Variants in LRMDA observed in about 807,000 individuals in gnomAD.
LRMDA encodes leucine-rich melanocyte differentiation-associated protein.
A neutral mutation model predicts 29.8 loss-of-function variants in LRMDA; 18 were observed. That is an observed-to-expected ratio of 0.60 (90% CI 0.42 to 0.90). The LOEUF (loss-of-function observed/expected upper bound fraction) is 0.90, where lower values mean the gene tolerates loss of function less well. LRMDA is among the 40% of genes least tolerant of loss of function. The pLI is 0.00. For synonymous variants in LRMDA, 125 were observed against 109.4 expected (o/e 1.14, Z -0.89); for missense variants, 273 against 273.9 (o/e 1.00, Z 0.02).
intron 2 of LRMDA, among the ~76,000 whole-genome samples, chr10:75,972,392 C>T (rs1453354139): frequency 2.0e-5 from 3 of 151,950 alleles, no homozygotes; most frequent in East Asian, 1.9e-4. Context: ...AACTTGTCCC[C>T]AAATCCTATC....
chr10:76,177,409 A>C (rs80278784), intron 5 of LRMDA, among the ~76,000 whole-genome samples: 3 of 151,930 alleles, frequency 2.0e-5, no homozygotes, highest in Admixed American at 6.6e-5. Context: ...GACAAAAAAA[A>C]AACAACAAAA....
chr10:76,054,987 C>T (rs1299359914), intron 4 of LRMDA, among the ~76,000 whole-genome samples: 1 of 132,678 alleles, frequency 7.5e-6, no homozygotes, highest in African/African-American at 2.9e-5. Context: ...TTGCTTGAAC[C>T]TGGGAGGCAG....
chr10:76,194,282 CT>C (rs1851296125), intron 5 of LRMDA, among the ~76,000 whole-genome samples: 1 of 152,166 alleles, frequency 6.6e-6, no homozygotes, highest in Admixed American at 6.5e-5. Flanking sequence ...TCAGGAGCAT[CT>C]CAATTGCATC....
At chr10:76,544,756 C>A (rs1028967027) in intron 6 of LRMDA, among the ~76,000 whole-genome samples, 15 of 144,476 alleles carry the variant, frequency 1.0e-4, no homozygotes, top group Non-Finnish European at 1.7e-4. Context: ...ACACACACAG[C>A]TTTTTCCCAA....
intron 2 of LRMDA, among the ~76,000 whole-genome samples, chr10:75,694,894 A>G (rs1423467774): frequency 6.6e-6 from 1 of 152,170 alleles, no homozygotes; most frequent in East Asian, 1.9e-4. Flanking sequence ...CTGCATGTAA[A>G]TTCCTTGACA....
intron 2 of LRMDA, among the ~76,000 whole-genome samples, chr10:75,916,980 C>T (rs111442916): frequency 1.4e-4 from 22 of 152,180 alleles, no homozygotes; most frequent in Admixed American, 7.9e-4. Flanking sequence ...CACTTTTTGT[C>T]GGGGGCTTGT....
chr10:76,407,498 A>G (rs1841914847), intron 6 of LRMDA, among the ~76,000 whole-genome samples: 1 of 152,172 alleles, frequency 6.6e-6, no homozygotes, highest in African/African-American at 2.4e-5. Context: ...AATAACTTCT[A>G]AGTTCTTCTC....
At chr10:76,085,197 C>G (rs1163720206) in intron 5 of LRMDA, among the ~76,000 whole-genome samples, 1 of 152,118 alleles carries the variant, frequency 6.6e-6, no homozygotes, top group Non-Finnish European at 1.5e-5. Flanking sequence ...ATAAAGGGAC[C>G]TGGAGCTGTC....
At chr10:76,403,035 C>T (rs1261849814) in intron 6 of LRMDA, among the ~76,000 whole-genome samples, 1 of 151,662 alleles carries the variant, frequency 6.6e-6, no homozygotes, top group African/African-American at 2.4e-5. Flanking sequence ...AAACTGGAGC[C>T]CCAGAAGTGT....
At chr10:75,462,235 C>T (rs1844594804) in intron 2 of LRMDA, among the ~76,000 whole-genome samples, 1 of 152,240 alleles carries the variant, frequency 6.6e-6, no homozygotes, top group Non-Finnish European at 1.5e-5. Context: ...TCATAGCTTA[C>T]TCATCTGTCT....
At chr10:75,621,226 C>CACACACACACA in intron 2 of LRMDA, among the ~76,000 whole-genome samples, 1 of 116,814 alleles carries the variant, frequency 8.6e-6, no homozygotes, top group African/African-American at 3.0e-5. Context: ...ACACACACAC[C>CACACACACACA]CACACACCCA....
At chr10:75,715,857 G>C (rs1013898228) in intron 2 of LRMDA, among the ~76,000 whole-genome samples, 4 of 114,964 alleles carry the variant, frequency 3.5e-5, no homozygotes, top group Non-Finnish European at 6.5e-5. Flanking sequence ...ATAAGCACTT[G>C]ATTGATCATA....
chr10:75,968,839 AAAAC>A (rs1846914205), intron 2 of LRMDA, among the ~76,000 whole-genome samples: 1 of 152,212 alleles, frequency 6.6e-6, no homozygotes, highest in Non-Finnish European at 1.5e-5. Flanking sequence ...TTTGAACATG[AAAAC>A]AAACCTAGAA....
At chr10:75,965,511 C>T (rs907436457) in intron 2 of LRMDA, among the ~76,000 whole-genome samples, 1 of 152,102 alleles carries the variant, frequency 6.6e-6, no homozygotes, top group Non-Finnish European at 1.5e-5. Context: ...ATGAGGTATG[C>T]TTAGATGAAT....
At chr10:76,513,885 T>C (rs1843033771) in intron 6 of LRMDA, among the ~76,000 whole-genome samples, 1 of 151,936 alleles carries the variant, frequency 6.6e-6, no homozygotes, top group Non-Finnish European at 1.5e-5. Flanking sequence ...GGTGACTGTT[T>C]GTGACACAAT....
intron 2 of LRMDA, among the ~76,000 whole-genome samples, chr10:75,737,702 G>A (rs1038496687): frequency 5.3e-5 from 8 of 152,198 alleles, no homozygotes; most frequent in Admixed American, 2.6e-4. Context: ...TTGGCTAGCT[G>A]TTCTTCGGTG....
intron 5 of LRMDA, among the ~76,000 whole-genome samples, chr10:76,217,864 T>A (rs1851757903): frequency 6.6e-6 from 1 of 152,132 alleles, no homozygotes; most frequent in Non-Finnish European, 1.5e-5. Flanking sequence ...ATATGTGGTG[T>A]CTAGAGTTCT....
chr10:76,293,305 A>G lies in LRMDA; in HGVS notation c.517-31096A>G, dbSNP rs939791376. Among the ~76,000 whole-genome samples, 16 of 152,156 alleles carry G rather than the reference A, an allele frequency of 1.1e-4. 1 individual carries two copies. The highest frequency in any genetic ancestry group is 7.2e-4 in the Admixed American group (11 of 15,268). The stretch of plus-strand genomic sequence containing the variant: ...CTAGTCTGTGTGCCTTAATCATTGT[A>G]TATCTTTAGGCAAATATGTTATCTC... On this transcript the variant is annotated intron_variant, in intron 5 of 6. Transcript: ENST00000611255.
chr10:75,568,223 A>G (rs1308297546), intron 2 of LRMDA, among the ~76,000 whole-genome samples: 1 of 152,170 alleles, frequency 6.6e-6, no homozygotes, highest in South Asian at 2.1e-4. Flanking sequence ...GTCTTATTAT[A>G]GTTTCTCTGA....
Sources: allele counts gnomAD v4.1 joint callset (sites outside exome capture counted in the v4.1 genomes callset), GRCh38; gene constraint gnomAD v4.1.1; transcripts MANE v1.5; gene names NCBI Gene and HGNC (gene_info 2026-07-23, HGNC 2026-07-21).